ROBO1: variants seen among roughly 807,000 people sequenced by gnomAD.
ROBO1 encodes the protein roundabout homolog 1.
In ROBO1, 149 loss-of-function variants were observed where a neutral mutation model predicts 195.9. That is an observed-to-expected ratio of 0.76 (90% confidence interval 0.67 to 0.87). The LOEUF is 0.87. Ranked by LOEUF, ROBO1 falls within the 40% of genes least tolerant of loss-of-function variation. ROBO1 has a pLI of 0.00. For missense variants in ROBO1, 1,933 were observed against 2,068.3 expected, an observed-to-expected ratio of 0.93 and a Z score of 1.27; for synonymous variants, 816 against 733.2, an observed-to-expected ratio of 1.11 and a Z score of -1.82.
chr3:78,706,653 A>C (rs1376226681), intron 8 of ROBO1, among the ~76,000 whole-genome samples: 1 of 152,070 alleles, frequency 6.6e-6, no homozygotes, highest in African/African-American at 2.4e-5. Context: ...TTGTAGGTAC[A>C]TTAATCTGTT....
At chr3:79,686,238 T>C (rs1223186994) in intron 1 of ROBO1, among the ~76,000 whole-genome samples, 1 of 152,184 alleles carries the variant, frequency 6.6e-6, no homozygotes, top group African/African-American at 2.4e-5. Flanking sequence ...ATAAGAGCTA[T>C]CTATGACAAA....
At chr3:79,101,750 T>C (rs754350133) in intron 3 of ROBO1, among the ~76,000 whole-genome samples, 8 of 151,980 alleles carry the variant, frequency 5.3e-5, no homozygotes, top group Non-Finnish European at 7.4e-5. Flanking sequence ...TTGTGAAGGC[T>C]GTACAAATAC....
At chr3:78,715,618 G>A (rs1184740728) in intron 7 of ROBO1, among the ~76,000 whole-genome samples, 2 of 152,078 alleles carry the variant, frequency 1.3e-5, no homozygotes, top group South Asian at 2.1e-4. Flanking sequence ...TGCAACCTCC[G>A]CCTCCAGGGC....
intron 28 of ROBO1, among the ~76,000 whole-genome samples, chr3:78,609,894 A>C (rs1296571617): frequency 6.6e-6 from 1 of 152,166 alleles, no homozygotes; most frequent in Non-Finnish European, 1.5e-5. Context: ...TAAATATACA[A>C]TTTTTTGAAA....
intron 1 of ROBO1, among the ~76,000 whole-genome samples, chr3:79,653,685 A>G (rs1196606686): frequency 3.9e-5 from 6 of 151,918 alleles, no homozygotes; most frequent in Non-Finnish European, 8.8e-5. Context: ...ATGTGTCTGT[A>G]GTAGGCCTAG....
chr3:79,191,716 G>C (rs1210134214), intron 2 of ROBO1, among the ~76,000 whole-genome samples: 2 of 151,192 alleles, frequency 1.3e-5, no homozygotes, highest in African/African-American at 2.4e-5. Flanking sequence ...CTGATTAATG[G>C]GAGCAGTTAT....
At chr3:79,345,366 G>A (rs2109241606) in intron 2 of ROBO1, among the ~76,000 whole-genome samples, 2 of 152,240 alleles carry the variant, frequency 1.3e-5, no homozygotes, top group South Asian at 4.1e-4. Flanking sequence ...GAGCAGAAGT[G>A]TAGGCAATTG....
chr3:79,328,595 C>T (rs2034310343), intron 2 of ROBO1, among the ~76,000 whole-genome samples: 1 of 152,148 alleles, frequency 6.6e-6, no homozygotes, highest in East Asian at 1.9e-4. Context: ...GTTCTATAAT[C>T]CATGATTTTA....
intron 3 of ROBO1, among the ~76,000 whole-genome samples, chr3:79,121,442 G>C (rs2080114199): frequency 6.6e-6 from 1 of 151,364 alleles, no homozygotes; most frequent in Non-Finnish European, 1.5e-5. Context: ...TTTCTCTTTT[G>C]TTTTTTTTAA....
At chr3:79,072,028 T>A (rs2079100157) in intron 3 of ROBO1, among the ~76,000 whole-genome samples, 1 of 151,946 alleles carries the variant, frequency 6.6e-6, no homozygotes, top group African/African-American at 2.4e-5. Flanking sequence ...AAGAAAGACA[T>A]TTTTTAAAAG....
chr3:78,789,049 G>A (rs532381643), intron 4 of ROBO1, among the ~76,000 whole-genome samples: 10 of 152,234 alleles, frequency 6.6e-5, no homozygotes, highest in Admixed American at 2.6e-4. Flanking sequence ...TGAAAGATCA[G>A]TATTGTTATG....
chr3:79,117,049 C>T (rs1237424997), intron 3 of ROBO1, among the ~76,000 whole-genome samples: 1 of 151,996 alleles, frequency 6.6e-6, no homozygotes, highest in Non-Finnish European at 1.5e-5. Flanking sequence ...TTATATGTCC[C>T]TATGCTGTTG....
chr3:79,152,029 A>G (rs1374063601), intron 2 of ROBO1, among the ~76,000 whole-genome samples: 3 of 151,776 alleles, frequency 2.0e-5, no homozygotes, highest in Admixed American at 6.6e-5. Context: ...ACGAATACAT[A>G]TTAAGTGATG....
chr3:79,348,498 AAC>A (rs1577006594), intron 2 of ROBO1, among the ~76,000 whole-genome samples: 1 of 152,180 alleles, frequency 6.6e-6, no homozygotes, highest in Non-Finnish European at 1.5e-5. Context: ...CAGGCAAGGA[AAC>A]ACAACTGTGG....
chr3:79,153,661 C>A (rs534470478), intron 2 of ROBO1, among the ~76,000 whole-genome samples: 3 of 149,950 alleles, frequency 2.0e-5, no homozygotes, highest in East Asian at 2.0e-4. Flanking sequence ...TGCAAATATA[C>A]TCGTCTGCTT....
chr3:79,432,228 A>G (rs572194131), intron 2 of ROBO1, among the ~76,000 whole-genome samples: 3 of 152,228 alleles, frequency 2.0e-5, no homozygotes, highest in Admixed American at 1.3e-4. Context: ...GTGTCAAGAC[A>G]AGACCCAGGT....
intron 3 of ROBO1, among the ~76,000 whole-genome samples, chr3:79,081,208 T>A (rs13079428): frequency 1.7e-4 from 26 of 151,980 alleles, no homozygotes; most frequent in African/African-American, 5.3e-4. Flanking sequence ...TAAATTCTTG[T>A]GAAAAAGAAG....
intron 3 of ROBO1, among the ~76,000 whole-genome samples, chr3:78,946,429 A>T (rs1186930023): frequency 6.6e-6 from 1 of 152,224 alleles, no homozygotes; most frequent in Admixed American, 6.5e-5. Flanking sequence ...ACTAAGCTTC[A>T]TAAGTGAAGG....
intron 1 of ROBO1, among the ~76,000 whole-genome samples, chr3:79,747,818 T>A (rs999003703): frequency 2.0e-5 from 3 of 151,508 alleles, no homozygotes; most frequent in African/African-American, 7.3e-5. Flanking sequence ...AAATATGCAA[T>A]GAAAAATAAT....
Sources: allele counts gnomAD v4.1 joint callset (sites outside exome capture counted in the v4.1 genomes callset), GRCh38; gene constraint gnomAD v4.1.1; transcripts MANE v1.5; gene names NCBI Gene and HGNC (gene_info 2026-07-23, HGNC 2026-07-21).